TBC1D21: variants seen among roughly 807,000 people sequenced by gnomAD.
TBC1D21 encodes the protein male germ cell Rab GTPase-activating protein.
In TBC1D21, 38 loss-of-function variants were observed where a neutral mutation model predicts 46.0. The observed-to-expected ratio is 0.83, with a 90% CI of 0.64 to 1.08. The LOEUF is 1.08. TBC1D21 is among the 50% of genes least tolerant of loss of function. The probability of loss-of-function intolerance (pLI) is 0.00; values close to 1 mark genes in which losing one functional copy is unlikely to be tolerated. For missense variants in TBC1D21, 415 were observed against 417.9 expected (o/e 0.99, Z 0.06); for synonymous variants, 151 against 157.2 (o/e 0.96, Z 0.29).
the TBC1D21 span, among the ~76,000 whole-genome samples, chr15:73,899,201 G>A: frequency 0.016 from 2,447 of 152,174 alleles, 56 homozygotes; most frequent in African/African-American, 0.056. Context: ...ATGAGCTTCA[G>A]TTTCTCTACC....
Position 73,889,092 on chromosome 15 carries a change from C to A in TBC1D21, c.1002C>A (p.Phe334Leu). 1 of 1,613,218 alleles carries A rather than the reference C, an allele frequency of 6.2e-7. No individual in the cohort carries two copies. Among genetic ancestry groups the A allele is most frequent in the Non-Finnish European group, 8.5e-7 (1 of 1,179,704 alleles). Residue 334 changes from phenylalanine (F) to leucine (L), a missense_variant, in exon 11 of 11, where the codon TTC (phenylalanine) becomes TTA (leucine). Phe to Leu is a conservative substitution (Grantham distance 22). Coordinates refer to ENST00000300504, the MANE Select transcript of TBC1D21 (RefSeq NM_153356.3). ...QKDVPQTLKD[F>L]FL is the part of the protein sequence containing the mutation. ...AGGTTCCTCAGACATTAAAGGATTT[C>A]TTCCTCTGAGGACACCAAAGCCCGC...
chr15:73,899,370 A>G, the TBC1D21 span, among the ~76,000 whole-genome samples: 1 of 152,216 alleles, frequency 6.6e-6, no homozygotes, highest in Non-Finnish European at 1.5e-5. Flanking sequence ...AAGAAGGTTC[A>G]GGAGGCGCCC....
intron 3 of TBC1D21, among the ~76,000 whole-genome samples, chr15:73,883,085 G>A (rs1595822330): frequency 1.3e-5 from 2 of 152,340 alleles, no homozygotes; most frequent in South Asian, 4.1e-4. Flanking sequence ...CCTTTGGATT[G>A]TGGCTGCATG....
chr15:73,909,388 G>C, the TBC1D21 span, among the ~76,000 whole-genome samples: 1 of 151,360 alleles, frequency 6.6e-6, no homozygotes, highest in Non-Finnish European at 1.5e-5. Flanking sequence ...AATCCACATA[G>C]AGTGCAGCCC....
At position 73,873,644 on chromosome 15, in the gene TBC1D21, G is replaced by T. The variant is rs907739444; in HGVS notation, c.-66G>T. On this transcript the variant is annotated 5_prime_UTR_variant, in exon 1 of 11. The change creates a new upstream start codon in the 5' untranslated region. Transcript: ENST00000300504. ...TGGGAATGCAACCCATCTCCGAAAA[G>T]GATTAAGCATCACTAGGGCTCCAAG... 3.9e-6 allele frequency: 6 copies of T among 1,540,670 alleles called. No homozygotes were observed. Among genetic ancestry groups the T allele is most frequent in the Non-Finnish European group, 5.3e-6 (6 of 1,133,406 alleles).
chr15:73,897,828 G>T, the TBC1D21 span, among the ~76,000 whole-genome samples: 2 of 152,226 alleles, frequency 1.3e-5, no homozygotes, highest in African/African-American at 4.8e-5. Flanking sequence ...AAATTTGATG[G>T]GGAAGGAGCC....
At chr15:73,894,750 G>A in the TBC1D21 span, among the ~76,000 whole-genome samples, 6 of 152,184 alleles carry the variant, frequency 3.9e-5, no homozygotes, top group South Asian at 4.1e-4. Context: ...TGCCCCTGCC[G>A]ACCTTTCTCT....
the TBC1D21 span, among the ~76,000 whole-genome samples, chr15:73,909,439 C>T: frequency 6.6e-6 from 1 of 152,114 alleles, no homozygotes; most frequent in Admixed American, 6.5e-5. Context: ...TAGCTACTAG[C>T]ATTACTGTTG....
In TBC1D21 at chr15:73,873,655, C is replaced by T; in HGVS notation, c.-55C>T. The T allele has an allele frequency of 3.2e-6, 5 of 1,559,456 alleles. No individual in the cohort carries two copies. In the South Asian group the frequency reaches 5.8e-5, roughly 18 times the overall value. On this transcript the variant is annotated 5_prime_UTR_variant, in exon 1 of 11. Transcript: ENST00000300504. ...CCCATCTCCGAAAAGGATTAAGCAT[C>T]ACTAGGGCTCCAAGTGAGTTCTGAT... is the stretch of plus-strand genomic sequence containing the variant.
At chr15:73,889,235 G>A, downstream of TBC1D21, 1 of 1,101,030 alleles carries the variant, frequency 9.1e-7, no homozygotes. Flanking sequence ...TGGATGCTAT[G>A]TCTTTGACCT....
the TBC1D21 span, among the ~76,000 whole-genome samples, chr15:73,905,475 G>C: frequency 6.6e-6 from 1 of 152,100 alleles, no homozygotes; most frequent in Non-Finnish European, 1.5e-5. Context: ...CTTTAGATTA[G>C]AGTCCCCGGA....
the TBC1D21 span, among the ~76,000 whole-genome samples, chr15:73,894,425 C>T: frequency 6.6e-6 from 1 of 152,206 alleles, no homozygotes; most frequent in African/African-American, 2.4e-5. Context: ...TCTATGCCTT[C>T]GATTACCCCA....
At chr15:73,881,162 T>A (rs1238183936) in intron 1 of TBC1D21, among the ~76,000 whole-genome samples, 3 of 152,260 alleles carry the variant, frequency 2.0e-5, no homozygotes, top group Admixed American at 6.5e-5. Context: ...TACCCCCTTA[T>A]TGCAGAACAT....
intron 1 of TBC1D21, among the ~76,000 whole-genome samples, chr15:73,876,451 G>A (rs571410797): frequency 1.3e-3 from 197 of 146,794 alleles, no homozygotes; most frequent in Non-Finnish European, 1.8e-3. Context: ...CACCATGTTG[G>A]TCAGGATGGT....
intron 1 of TBC1D21, among the ~76,000 whole-genome samples, chr15:73,876,403 T>TTG (rs1555428986): frequency 8.1e-5 from 12 of 147,806 alleles, no homozygotes; most frequent in African/African-American, 1.2e-4. Flanking sequence ...AATTTTTGTT[T>TTG]TTTTTTTTTT....
the TBC1D21 span, among the ~76,000 whole-genome samples, chr15:73,895,811 G>A: frequency 6.6e-6 from 1 of 152,246 alleles, no homozygotes; most frequent in East Asian, 1.9e-4. Context: ...GGGATTGTTC[G>A]GACACCTGGC....
At chr15:73,880,513 G>A (rs8036034) in intron 1 of TBC1D21, among the ~76,000 whole-genome samples, 4,326 of 152,304 alleles carry the variant, frequency 0.028, 212 homozygotes, top group African/African-American at 0.098. Flanking sequence ...ACTAACGCCT[G>A]TAGTCCCAGC....
intron 3 of TBC1D21, among the ~76,000 whole-genome samples, chr15:73,883,068 A>G (rs1310532685): frequency 1.3e-5 from 2 of 152,212 alleles, no homozygotes; most frequent in African/African-American, 4.8e-5. Context: ...CATCAGAGGA[A>G]CGGACTCCTT....
At chr15:73,884,336 C>A in intron 4 of TBC1D21, 91 bp downstream of exon 4, 1 of 1,218,774 alleles carries the variant, frequency 8.2e-7, no homozygotes, top group South Asian at 1.2e-5. Flanking sequence ...AGGGATGGCT[C>A]CAGGATCCTG....
Sources: gnomAD v4.1 joint callset for allele counts (sites outside exome capture counted in the v4.1 genomes callset) on GRCh38, gnomAD v4.1.1 for gene constraint, MANE v1.5 for transcripts, NCBI Gene and HGNC (gene_info 2026-07-23, HGNC 2026-07-21) for gene names.